The following CA10 variants were observed in gnomAD, a reference collection of about 807,000 sequenced individuals.
CA10 encodes the protein carbonic anhydrase 10 (inactive).
CA10 carries 14 observed loss-of-function variants against 44.2 expected under a neutral mutation model. That is an observed-to-expected ratio of 0.32 (90% CI 0.21 to 0.50). CA10 has a LOEUF of 0.50. CA10 is among the 20% of genes least tolerant of loss of function. The probability of loss-of-function intolerance (pLI) is 0.99; values close to 1 mark genes in which losing one functional copy is unlikely to be tolerated. For missense variants in CA10, 350 were observed against 409.7 expected, an observed-to-expected ratio of 0.85 and a Z score of 1.26; for synonymous variants, 159 against 141.6, an observed-to-expected ratio of 1.12 and a Z score of -0.87.
intron 4 of CA10, among the ~76,000 whole-genome samples, chr17:51,679,895 T>G (rs757184481): frequency 1.1e-4 from 16 of 152,174 alleles, no homozygotes; most frequent in Non-Finnish European, 1.9e-4. Context: ...CCAAAACAAT[T>G]GAAGAAGGCT....
At chr17:51,734,221 A>G (rs530354187) in intron 4 of CA10, among the ~76,000 whole-genome samples, 8 of 151,488 alleles carry the variant, frequency 5.3e-5, no homozygotes, top group African/African-American at 1.9e-4. Flanking sequence ...TTTATTACAC[A>G]TCAATGTTTC....
chr17:51,815,035 A>G (rs1192052656), intron 3 of CA10, among the ~76,000 whole-genome samples: 1 of 152,156 alleles, frequency 6.6e-6, no homozygotes, highest in African/African-American at 2.4e-5. Context: ...TGAACATTCC[A>G]GAGACAGTAC....
chr17:51,733,212 C>T lies in CA10; in HGVS notation c.465+14421G>A, dbSNP rs28506014. ...ATGAATTTTTGTTGAATTTTACTAA[C>T]TTAATATAGCTTTTCTATGAGATAG... On this transcript the variant is annotated intron_variant, in intron 4 of 8. Transcript: ENST00000451037. Among the ~76,000 whole-genome samples the T allele has an allele frequency of 3.6e-3, 552 of 152,284 alleles. 2 individuals are homozygous for T. The highest frequency in any genetic ancestry group is 0.013 in the African/African-American group (530 of 41,536).
chr17:51,884,566 T>C (rs1041777894), intron 3 of CA10, among the ~76,000 whole-genome samples: 3 of 152,226 alleles, frequency 2.0e-5, no homozygotes, highest in African/African-American at 4.8e-5. Context: ...GTATTTAAAA[T>C]AGCACACAGC....
chr17:51,666,938 C>A (rs1034607144), intron 4 of CA10, among the ~76,000 whole-genome samples: 6 of 152,108 alleles, frequency 3.9e-5, no homozygotes, highest in Non-Finnish European at 8.8e-5. Context: ...TTCCAAGAAA[C>A]AAGACACATT....
At chr17:51,664,813 A>C (rs8066303) in intron 4 of CA10, among the ~76,000 whole-genome samples, 3 of 152,116 alleles carry the variant, frequency 2.0e-5, no homozygotes, top group African/African-American at 7.2e-5. Flanking sequence ...TATTCATAAA[A>C]GTTTATAGCT....
intron 4 of CA10, among the ~76,000 whole-genome samples, chr17:51,739,052 G>T (rs1361809043): frequency 6.6e-6 from 1 of 152,118 alleles, no homozygotes; most frequent in African/African-American, 2.4e-5. Context: ...TGGACACTTG[G>T]AGTAGACTTG....
At position 51,897,605 on chromosome 17, in the gene CA10, G is replaced by A. The variant is rs79775516; in HGVS notation, c.279+33385C>T. On this transcript the variant is annotated intron_variant, in intron 3 of 8. Coordinates refer to ENST00000451037, the MANE Select transcript of CA10 (RefSeq NM_020178.5). The stretch of plus-strand genomic sequence containing the variant: ...GGTTTTTTCTAATTCTGGGAAGAAT[G>A]TCATTGGTAATTTGACAGGAGTAGC... Among the ~76,000 whole-genome samples the A allele has an allele frequency of 2.8e-3, 431 of 152,234 alleles. 11 individuals are homozygous for A. In the East Asian group the frequency reaches 0.06, roughly 21 times the overall value.
chr17:52,062,441 A>G (rs1987414604), intron 2 of CA10, among the ~76,000 whole-genome samples: 1 of 152,164 alleles, frequency 6.6e-6, no homozygotes, highest in South Asian at 2.1e-4. Flanking sequence ...AAAATGGATA[A>G]AAGGGAGTCA....
intron 3 of CA10, among the ~76,000 whole-genome samples, chr17:51,887,396 G>A (rs1428502590): frequency 6.6e-6 from 1 of 152,172 alleles, no homozygotes; most frequent in Non-Finnish European, 1.5e-5. Flanking sequence ...CTGAAGGCAG[G>A]CGGGGACTCT....
intron 1 of CA10, among the ~76,000 whole-genome samples, chr17:52,115,369 C>T (rs533839325): frequency 2.5e-4 from 38 of 152,208 alleles, no homozygotes; most frequent in African/African-American, 8.7e-4. Context: ...CATATGGGGA[C>T]CTGAGGAAGG....
At chr17:51,792,106 C>T (rs1302367048) in intron 3 of CA10, among the ~76,000 whole-genome samples, 1 of 151,992 alleles carries the variant, frequency 6.6e-6, no homozygotes, top group East Asian at 1.9e-4. Flanking sequence ...AGGTATTATG[C>T]CAGATGCTTT....
chr17:51,750,472 G>A (rs1412783900), intron 3 of CA10, among the ~76,000 whole-genome samples: 2 of 151,012 alleles, frequency 1.3e-5, no homozygotes, highest in East Asian at 3.9e-4. Context: ...AAAATGTTTA[G>A]CTGATTGTTG....
intron 3 of CA10, among the ~76,000 whole-genome samples, chr17:51,758,698 T>C (rs1488227317): frequency 4.6e-5 from 7 of 152,234 alleles, no homozygotes; most frequent in Non-Finnish European, 5.9e-5. Flanking sequence ...GAACCACCAC[T>C]GCCAACCAAT....
At chr17:52,077,289 A>G (rs1301374401) in intron 1 of CA10, among the ~76,000 whole-genome samples, 1 of 152,204 alleles carries the variant, frequency 6.6e-6, no homozygotes, top group East Asian at 1.9e-4. Context: ...GATGGAACAG[A>G]GGCTTTTGGT....
intron 3 of CA10, among the ~76,000 whole-genome samples, chr17:51,877,917 G>A (rs1384390218): frequency 6.6e-6 from 1 of 151,976 alleles, no homozygotes. Context: ...GGCCGAGGCA[G>A]ACGGATCACA....
intron 3 of CA10, among the ~76,000 whole-genome samples, chr17:51,920,906 T>A (rs1982204793): frequency 6.6e-6 from 1 of 152,216 alleles, no homozygotes; most frequent in Admixed American, 6.5e-5. Context: ...TTAAAATCTG[T>A]AATCAAAATC....
At chr17:52,040,357 A>G (rs944548339) in intron 2 of CA10, among the ~76,000 whole-genome samples, 93 of 151,884 alleles carry the variant, frequency 6.1e-4, no homozygotes, top group African/African-American at 2.2e-3. Context: ...TAGGACCCTC[A>G]TATCCTTTTC....
chr17:51,864,166 C>T lies in CA10; in HGVS notation c.279+66824G>A, dbSNP rs545941988. On this transcript the variant is annotated intron_variant, in intron 3 of 8. Coordinates refer to ENST00000451037, the MANE Select transcript of CA10 (RefSeq NM_020178.5). The stretch of plus-strand genomic sequence containing the variant: ...TCAGGTGTATGTTCCAAGGGGTCCA[C>T]CATGGAAAACAGAGACATTCCTATC... 3.3e-5 allele frequency among the ~76,000 whole-genome samples: 5 copies of T among 152,244 alleles called. No homozygotes were observed. In the East Asian group the frequency reaches 9.7e-4, roughly 29 times the overall value.
Sources: gnomAD v4.1 joint callset for allele counts (sites outside exome capture counted in the v4.1 genomes callset) on GRCh38, gnomAD v4.1.1 for gene constraint, MANE v1.5 for transcripts, NCBI Gene and HGNC (gene_info 2026-07-23, HGNC 2026-07-21) for gene names.